The following C15orf40 variants were observed in gnomAD, a reference collection of about 807,000 sequenced individuals.
C15orf40 encodes the protein chromosome 15 open reading frame 40.
C15orf40 carries 9 observed loss-of-function variants against 13.9 expected under a neutral mutation model. The observed-to-expected ratio is 0.65, with a 90% CI of 0.39 to 1.13. The LOEUF (loss-of-function observed/expected upper bound fraction) is 1.13, where lower values mean the gene tolerates loss of function less well. Ranked by LOEUF, C15orf40 falls within the 50% of genes most tolerant of loss-of-function variation. The pLI, the probability that C15orf40 is intolerant of heterozygous loss-of-function variation, is 0.01. For missense variants in C15orf40, 225 were observed against 188.5 expected (o/e 1.19, Z -1.13); for synonymous variants, 95 against 69.2 (o/e 1.37, Z -1.85).
chr15:83,010,369 A>G lies in C15orf40; in HGVS notation c.112-6T>C, dbSNP rs772265696. The G allele has an allele frequency of 1.2e-6, 2 of 1,614,094 alleles. No individual in the cohort carries two copies. The highest frequency in any genetic ancestry group is 4.5e-5 in the East Asian group (2 of 44,878). On this transcript the variant is annotated splice_region_variant and splice_polypyrimidine_tract_variant and intron_variant, in intron 1 of 3. Coordinates refer to ENST00000304177, the MANE Select transcript of C15orf40 (RefSeq NM_144597.3). ...TCCTTGCTCTGGCTTTTACCCTAAA[A>G]TGACAACCACACAACTTTACAGGTT...
At position 82,996,682 on chromosome 15, in the gene C15orf40, A is replaced by G. The variant is rs2031097073; in HGVS notation, c.*8915T>C. 6.6e-6 allele frequency: 1 copy of G among 151,294 alleles called. No homozygotes were observed. Among genetic ancestry groups the G allele is most frequent in the Non-Finnish European group, 1.5e-5 (1 of 67,886 alleles). 9.4% of individuals were successfully genotyped at this position (151,294 alleles called of 1,614,324 possible). A position where few individuals can be genotyped will look rare whatever the true frequency, so the allele number is the denominator to read the frequency against. ...ATAAAATAAAATAATAAAATAAAAT[A>G]AAAAATATAAAAAGTGAAACAATAC... On this transcript the variant is annotated 3_prime_UTR_variant, in exon 4 of 4. Transcript: ENST00000304177.
intron 3 of C15orf40, among the ~76,000 whole-genome samples, chr15:83,006,892 G>A (rs939451966): frequency 4.6e-5 from 7 of 152,202 alleles, no homozygotes; most frequent in Non-Finnish European, 8.8e-5. Flanking sequence ...TCAGGCAAAC[G>A]TCAGCGCATG....
chr15:82,997,291 G>T lies in C15orf40; in HGVS notation c.*8306C>A, dbSNP rs1314965710. The T allele has an allele frequency of 1.4e-5, 2 of 146,784 alleles. No individual in the cohort carries two copies. Among genetic ancestry groups the T allele is most frequent in the African/African-American group, 5.1e-5 (2 of 39,156 alleles). 9.1% of individuals were successfully genotyped at this position (146,784 alleles called of 1,614,324 possible). A position where few individuals can be genotyped will look rare whatever the true frequency, so the allele number is the denominator to read the frequency against. ...CACAGAGGGGGATTTGGCAGGGAAG[G>T]TCAGCAGATAAACAAGTGAACAAAG... On this transcript the variant is annotated 3_prime_UTR_variant, in exon 4 of 4. Transcript: ENST00000304177.
Position 83,005,256 on chromosome 15 carries a change from TAA to T in C15orf40, c.*339_*340del, listed in dbSNP as rs2031611404. On this transcript the variant is annotated 3_prime_UTR_variant, in exon 4 of 4. Transcript: ENST00000304177. Reference sequence around the variant, plus strand: ...TTAACAGCCTCTTCACCATTAGCAATAAAAAAGTTTCTCAAGGATGTATTTTT... The same window carrying T: ...TTAACAGCCTCTTCACCATTAGCAATAAAAGTTTCTCAAGGATGTATTTTT... 3 of 1,015,442 alleles carry T rather than the reference TAA, an allele frequency of 3.0e-6. No individual in the cohort carries two copies. The highest frequency in any genetic ancestry group is 2.0e-4 in the East Asian group (2 of 9,816). The allele number at this position is 1,015,442 out of a possible 1,614,324, so 62.9% of individuals were successfully genotyped here.
chr15:82,994,621 G>C (rs958295546), downstream of C15orf40, among the ~76,000 whole-genome samples: 1 of 152,182 alleles, frequency 6.6e-6, no homozygotes, highest in African/African-American at 2.4e-5. Context: ...GGAAATGTTA[G>C]TTGTGAAAGT....
Position 83,002,537 on chromosome 15 carries a change from T to A in C15orf40, c.*3060A>T, listed in dbSNP as rs190709497. 5.3e-5 allele frequency: 8 copies of A among 152,368 alleles called. No homozygotes were observed. The highest frequency in any genetic ancestry group is 1.9e-4 in the African/African-American group (8 of 41,578). The allele number at this position is 152,368 out of a possible 1,614,324, so 9.4% of individuals were successfully genotyped here. A position where few individuals can be genotyped will look rare whatever the true frequency, so the allele number is the denominator to read the frequency against. On this transcript the variant is annotated 3_prime_UTR_variant, in exon 4 of 4. Coordinates refer to ENST00000304177, the MANE Select transcript of C15orf40 (RefSeq NM_144597.3). ...AATTCTTTCTTCTATAGTTACTGCT[T>A]TAGGGAACTTGTGTTATAGAATGGC...
chr15:83,011,574 G>C lies in C15orf40; in HGVS notation c.34C>G (p.Arg12Gly). 1.9e-6 allele frequency: 3 copies of C among 1,602,652 alleles called. No homozygotes were observed. The highest frequency in any genetic ancestry group is 2.5e-6 in the Non-Finnish European group (3 of 1,177,290). Residue 12 changes from arginine (R) to glycine (G), a missense_variant, in exon 1 of 4, where the codon CGG (arginine) becomes GGG (glycine). Arg to Gly is a moderately radical substitution (Grantham distance 125). Transcript: ENST00000304177. ...GAGCCCCGAGTATTGGGTGTTGCCC[G>C]AAGGTGCCTCAGCCCGCTGCGGAGC... ...LRLRSGLRHL[R>G]ATPNTRGSAR...
In C15orf40 at chr15:82,997,131, C is replaced by T. The variant is rs1483270683; in HGVS notation, c.*8466G>A. The T allele has an allele frequency of 6.7e-6, 1 of 149,722 alleles. No individual in the cohort carries two copies. Among genetic ancestry groups the T allele is most frequent in the African/African-American group, 2.4e-5 (1 of 40,954 alleles). The allele number at this position is 149,722 out of a possible 1,614,324, so 9.3% of individuals were successfully genotyped here. Reference sequence around the variant, plus strand: ...CTATCTTGCCTTCTAAATTTCATACCGTTTTCAGCCTCTTCTCTGTTGCAC... The same window carrying T: ...CTATCTTGCCTTCTAAATTTCATACTGTTTTCAGCCTCTTCTCTGTTGCAC... On this transcript the variant is annotated 3_prime_UTR_variant, in exon 4 of 4. Coordinates refer to ENST00000304177, the MANE Select transcript of C15orf40 (RefSeq NM_144597.3).
At position 83,004,675 on chromosome 15, in the gene C15orf40, T is replaced by A; in HGVS notation, c.*922A>T. 1 of 912,212 alleles carries A rather than the reference T, an allele frequency of 1.1e-6. No homozygotes were observed. The highest frequency in any genetic ancestry group is 1.3e-6 in the Non-Finnish European group (1 of 760,656). 56.5% of individuals were successfully genotyped at this position (912,212 alleles called of 1,614,324 possible). On this transcript the variant is annotated 3_prime_UTR_variant, in exon 4 of 4. Coordinates refer to ENST00000304177, the MANE Select transcript of C15orf40 (RefSeq NM_144597.3). ...ATAATTCACATTTAATTACAAGTCA[T>A]GATTTTTCTTTACTTTTTCAACAAA...
In C15orf40 at chr15:83,002,260, T is replaced by C. The variant is rs1343594523; in HGVS notation, c.*3337A>G. 6.6e-6 allele frequency: 1 copy of C among 152,232 alleles called. No individual in the cohort carries two copies. Among genetic ancestry groups the C allele is most frequent in the African/African-American group, 2.4e-5 (1 of 41,452 alleles). The allele number at this position is 152,232 out of a possible 1,614,324, so 9.4% of individuals were successfully genotyped here. On this transcript the variant is annotated 3_prime_UTR_variant, in exon 4 of 4. Transcript: ENST00000304177. Reference sequence around the variant, plus strand: ...TCCCCATATCTTCTTTGTTACAAGATACTGCTACGTTTCTCAAAGAAAAAA... The same window carrying C: ...TCCCCATATCTTCTTTGTTACAAGACACTGCTACGTTTCTCAAAGAAAAAA...
In C15orf40 at chr15:83,005,392, C is replaced by T. The variant is rs2031621854; in HGVS notation, c.*205G>A. The T allele has an allele frequency of 1.5e-6, 1 of 647,950 alleles. No homozygotes were observed. The highest frequency in any genetic ancestry group is 2.0e-5 in the African/African-American group (1 of 50,840). 40.1% of individuals were successfully genotyped at this position (647,950 alleles called of 1,614,324 possible). Reference sequence around the variant, plus strand: ...CTCCGCCCCCCAGGTTCAAGTGATTCTCCTGCCTCAGCCTCCTGAGTAACT... The same window carrying T: ...CTCCGCCCCCCAGGTTCAAGTGATTTTCCTGCCTCAGCCTCCTGAGTAACT... On this transcript the variant is annotated 3_prime_UTR_variant, in exon 4 of 4. Coordinates refer to ENST00000304177, the MANE Select transcript of C15orf40 (RefSeq NM_144597.3).
chr15:83,008,518 C>CAA (rs373204607), intron 3 of C15orf40, 30 bp downstream of exon 3: 3,465 of 1,432,288 alleles, frequency 2.4e-3, no homozygotes, highest in Middle Eastern at 2.8e-3. Context: ...GATTTTGTCT[C>CAA]AAAAAAAAAA....
At chr15:83,006,163 A>T (rs1352335051) in intron 3 of C15orf40, among the ~76,000 whole-genome samples, 1 of 151,802 alleles carries the variant, frequency 6.6e-6, no homozygotes, top group East Asian at 1.9e-4. Context: ...CCCAGGAGGC[A>T]GAGGCTGCAG....
chr15:82,993,753 C>T (rs989773156), downstream of C15orf40, among the ~76,000 whole-genome samples: 3 of 152,034 alleles, frequency 2.0e-5, no homozygotes, highest in Non-Finnish European at 2.9e-5. Context: ...TACAGTGAGC[C>T]GAGATTGTGC....
chr15:83,006,381 A>G (rs1430357722), intron 3 of C15orf40: 4 of 984,138 alleles, frequency 4.1e-6, no homozygotes, highest in Non-Finnish European at 4.8e-6. Flanking sequence ...GCTATTCTCT[A>G]TGTTGTTAAA....
At chr15:83,010,596 CT>C (rs1243541159) in intron 1 of C15orf40, 1 of 470,122 alleles carries the variant, frequency 2.1e-6, no homozygotes, top group Non-Finnish European at 3.8e-6. Context: ...GCAAGAAAAC[CT>C]AACTCTGGCT....
chr15:83,008,999 G>A (rs913736287), intron 2 of C15orf40, among the ~76,000 whole-genome samples: 2 of 152,122 alleles, frequency 1.3e-5, no homozygotes, highest in Admixed American at 1.3e-4. Context: ...GCCCCAGGCA[G>A]GGAGTCATAG....
chr15:82,994,848 C>G lies in C15orf40; in HGVS notation c.*10749G>C, dbSNP rs1430548894. ...AATCTTCGTTCTGTTTATTTATGAA[C>G]ACAGAAAGATATGCTTTTAAAACTC... On this transcript the variant is annotated 3_prime_UTR_variant, in exon 4 of 4. Coordinates refer to ENST00000304177, the MANE Select transcript of C15orf40 (RefSeq NM_144597.3). The G allele has an allele frequency of 6.6e-6, 1 of 152,062 alleles. No homozygotes were observed. Among genetic ancestry groups the G allele is most frequent in the Admixed American group, 6.5e-5 (1 of 15,272 alleles). 9.4% of individuals were successfully genotyped at this position (152,062 alleles called of 1,614,324 possible). A position where few individuals can be genotyped will look rare whatever the true frequency, so the allele number is the denominator to read the frequency against.
intron 3 of C15orf40, among the ~76,000 whole-genome samples, chr15:83,007,521 T>G (rs2031753146): frequency 1.3e-5 from 2 of 152,226 alleles, no homozygotes; most frequent in African/African-American, 4.8e-5. Context: ...ATATAAAAGT[T>G]ATAAACAACT....
Sources: gnomAD v4.1 joint callset for allele counts (sites outside exome capture counted in the v4.1 genomes callset) on GRCh38, gnomAD v4.1.1 for gene constraint, MANE v1.5 for transcripts, NCBI Gene and HGNC (gene_info 2026-07-23, HGNC 2026-07-21) for gene names.